The following SDK1 variants were observed in gnomAD, a reference collection of about 807,000 sequenced individuals.
SDK1 encodes sidekick cell adhesion molecule 1.
In SDK1, 157 loss-of-function variants were observed where a neutral mutation model predicts 245.5. The ratio of observed to expected loss-of-function variants is 0.64; its 90% CI spans 0.56 to 0.73. The LOEUF is 0.73. Ranked by LOEUF, SDK1 falls within the 30% of genes least tolerant of loss-of-function variation. The pLI is 0.00. For synonymous variants in SDK1, 1,647 were observed against 1,278.5 expected, an observed-to-expected ratio of 1.29 and a Z score of -6.15; for missense variants, 3,583 against 3,002.3, an observed-to-expected ratio of 1.19 and a Z score of -4.52.
intron 1 of SDK1, among the ~76,000 whole-genome samples, chr7:3,560,516 T>C (rs747676723): frequency 8.5e-5 from 13 of 152,180 alleles, no homozygotes; most frequent in Admixed American, 2.0e-4. Context: ...TTTTAACCAT[T>C]CCTACTACTG....
chr7:4,220,450 T>C (rs946346693), intron 39 of SDK1, among the ~76,000 whole-genome samples, 180 bp downstream of exon 39: 5 of 151,528 alleles, frequency 3.3e-5, no homozygotes, highest in Non-Finnish European at 7.4e-5. Context: ...CAACATGGAG[T>C]TTGCAGGTGG....
chr7:3,851,008 A>C (rs994738773), intron 5 of SDK1, among the ~76,000 whole-genome samples: 7 of 144,876 alleles, frequency 4.8e-5, no homozygotes, highest in Non-Finnish European at 1.0e-4. Flanking sequence ...AAAGTATAAC[A>C]AAAAAAAAAG....
intron 2 of SDK1, among the ~76,000 whole-genome samples, chr7:3,631,221 A>C (rs1289978356): frequency 6.6e-6 from 1 of 152,200 alleles, no homozygotes; most frequent in African/African-American, 2.4e-5. Flanking sequence ...GATGTGAGCC[A>C]CCACACTCAG....
At chr7:3,580,797 T>A (rs898684794) in intron 1 of SDK1, among the ~76,000 whole-genome samples, 2 of 151,518 alleles carry the variant, frequency 1.3e-5, no homozygotes, top group African/African-American at 4.8e-5. Flanking sequence ...TGAAACCCCA[T>A]TTCCACTAAA....
intron 1 of SDK1, among the ~76,000 whole-genome samples, chr7:3,559,531 A>G (rs1395602863): frequency 6.6e-6 from 1 of 152,156 alleles, no homozygotes; most frequent in African/African-American, 2.4e-5. Context: ...GCCAAGATGT[A>G]GTAATCAGCT....
intron 44 of SDK1, among the ~76,000 whole-genome samples, chr7:4,262,240 G>T (rs985837451): frequency 2.0e-5 from 3 of 151,420 alleles, no homozygotes; most frequent in Non-Finnish European, 4.4e-5. Flanking sequence ...GTTTCACCGT[G>T]TTGGACAGGC....
At chr7:4,241,613 G>GAT (rs1562472026) in intron 42 of SDK1, among the ~76,000 whole-genome samples, 180 bp from the exon 43 acceptor site, 1 of 152,226 alleles carries the variant, frequency 6.6e-6, no homozygotes, top group African/African-American at 2.4e-5. Context: ...CCAACACTGT[G>GAT]ATCAGTACCT....
intron 5 of SDK1, among the ~76,000 whole-genome samples, chr7:3,824,704 C>A (rs1779729104): frequency 1.3e-5 from 2 of 152,132 alleles, no homozygotes; most frequent in African/African-American, 4.8e-5. Context: ...AACGTCACCC[C>A]TTTTCAATTG....
intron 4 of SDK1, among the ~76,000 whole-genome samples, chr7:3,815,400 C>A (rs201500436): frequency 0.087 from 10,932 of 125,290 alleles, 199 homozygotes; most frequent in Middle Eastern, 0.22. Flanking sequence ...GGCTCTGTTT[C>A]TATGCTGGAT....
chr7:4,249,942 G>C (rs1026416027), intron 44 of SDK1, among the ~76,000 whole-genome samples: 1 of 152,144 alleles, frequency 6.6e-6, no homozygotes. Context: ...TACATTCACA[G>C]AGTTGTGCAG....
At chr7:3,776,059 A>G (rs1430790405) in intron 4 of SDK1, among the ~76,000 whole-genome samples, 1 of 152,176 alleles carries the variant, frequency 6.6e-6, no homozygotes, top group East Asian at 1.9e-4. Context: ...TTCATTCATC[A>G]CCTACCACGC....
At chr7:3,389,399 G>T (rs1781689411) in intron 1 of SDK1, among the ~76,000 whole-genome samples, 1 of 152,118 alleles carries the variant, frequency 6.6e-6, no homozygotes. Flanking sequence ...ACAGAGCAAA[G>T]CAGAGTCAGA....
chr7:3,679,371 C>A (rs974455667), intron 4 of SDK1, among the ~76,000 whole-genome samples: 6 of 152,080 alleles, frequency 3.9e-5, no homozygotes, highest in African/African-American at 1.2e-4. Flanking sequence ...TCGAGACCAT[C>A]CTGGCTAACA....
chr7:3,319,755 A>G (rs1400488910), intron 1 of SDK1, among the ~76,000 whole-genome samples: 2 of 152,012 alleles, frequency 1.3e-5, no homozygotes, highest in African/African-American at 2.4e-5. Context: ...AAATCAAAAT[A>G]TAGCATTTTG....
chr7:4,064,561 G>T (rs984366714), intron 19 of SDK1, among the ~76,000 whole-genome samples: 3 of 152,078 alleles, frequency 2.0e-5, no homozygotes, highest in Non-Finnish European at 4.4e-5. Flanking sequence ...TCCCACTATT[G>T]GGTATTTATC....
chr7:3,442,792 A>G (rs1282567729), intron 1 of SDK1, among the ~76,000 whole-genome samples: 1 of 152,152 alleles, frequency 6.6e-6, no homozygotes, highest in African/African-American at 2.4e-5. Context: ...GCCAGTGACT[A>G]CCTGTGAAAT....
At chr7:3,340,785 A>G (rs1391051591) in intron 1 of SDK1, among the ~76,000 whole-genome samples, 3 of 149,838 alleles carry the variant, frequency 2.0e-5, no homozygotes, top group Non-Finnish European at 4.4e-5. Flanking sequence ...AAAAAAAATC[A>G]TCTATGAAGC....
At chr7:3,901,643 A>T (rs185580486) in intron 5 of SDK1, among the ~76,000 whole-genome samples, 1 of 152,272 alleles carries the variant, frequency 6.6e-6, no homozygotes, top group East Asian at 1.9e-4. Flanking sequence ...GTTATCAATA[A>T]TCTGTGTGGT....
intron 1 of SDK1, among the ~76,000 whole-genome samples, chr7:3,350,440 C>T (rs1195677199): frequency 6.6e-6 from 1 of 152,046 alleles, no homozygotes; most frequent in African/African-American, 2.4e-5. Flanking sequence ...ATCTGCTCCC[C>T]AGTGTAGTTG....
Sources: gnomAD v4.1 joint callset for allele counts (sites outside exome capture counted in the v4.1 genomes callset) on GRCh38, gnomAD v4.1.1 for gene constraint, MANE v1.5 for transcripts, NCBI Gene and HGNC (gene_info 2026-07-23, HGNC 2026-07-21) for gene names.